KANK4: variants seen among roughly 807,000 people sequenced by gnomAD.
The protein encoded by KANK4 is KN motif and ankyrin repeat domains 4.
In KANK4, 50 loss-of-function variants were observed where a neutral mutation model predicts 80.8. The observed-to-expected ratio is 0.62, with a 90% CI of 0.49 to 0.78. KANK4 has a LOEUF of 0.78. Among genes scored for constraint, KANK4 ranks in the 30% least tolerant of loss-of-function variants. The pLI, the probability that KANK4 is intolerant of heterozygous loss-of-function variation, is 0.00. For missense variants in KANK4, 1,196 were observed against 1,240.1 expected (o/e 0.96, Z 0.53); for synonymous variants, 465 against 506.9 (o/e 0.92, Z 1.11).
chr1:62,242,213 T>G (rs1671358326), intron 9 of KANK4, among the ~76,000 whole-genome samples: 1 of 151,900 alleles, frequency 6.6e-6, no homozygotes, highest in African/African-American at 2.4e-5. Context: ...GAATCTGCAC[T>G]TGGCCAGGTG....
intron 9 of KANK4, among the ~76,000 whole-genome samples, chr1:62,246,227 G>A (rs942543048): frequency 2.0e-5 from 3 of 152,114 alleles, no homozygotes; most frequent in Non-Finnish European, 4.4e-5. Context: ...CATCATTGCC[G>A]TCACCTTACG....
Position 62,274,198 on chromosome 1 carries a change from T to C in KANK4, c.906A>G (p.Glu302=). Residue 302 remains glutamate (E), a synonymous_variant, in exon 3 of 10, where the codon GAA becomes GAG. Coordinates refer to ENST00000371153, the MANE Select transcript of KANK4 (RefSeq NM_181712.5). ...PIPENELLLE[E]IELNISEIPP... ...GAATCTCGCTGATGTTGAGCTCGAT[T>C]TCTTCCAGGAGGAGCTCATTCTCAG... 1 of 1,614,146 alleles carries C rather than the reference T, an allele frequency of 6.2e-7. No homozygotes were observed. Among genetic ancestry groups the C allele is most frequent in the Non-Finnish European group, 8.5e-7 (1 of 1,180,022 alleles).
At position 62,276,277 on chromosome 1, in the gene KANK4, C is replaced by T. The variant is rs187042845; in HGVS notation, c.17-1190G>A. ...TGTTTCTTCAATATTCCTCATGTGA[C>T]GCCCCTAATTACCTCTGTGACATTA... On this transcript the variant is annotated intron_variant, in intron 2 of 9. Coordinates refer to ENST00000371153, the MANE Select transcript of KANK4 (RefSeq NM_181712.5). Among the ~76,000 whole-genome samples, 26 of 152,258 alleles carry T rather than the reference C, an allele frequency of 1.7e-4. No individual in the cohort carries two copies. The East Asian group carries it at 3.3e-3, about 19-fold the overall frequency.
rs201118187 is a variant in KANK4, at chr1:62,274,055, G to A, written c.1049C>T (p.Ser350Leu). 6.4e-4 allele frequency: 1,027 copies of A among 1,614,074 alleles called. 2 individuals are homozygous for A. Among genetic ancestry groups the A allele is most frequent in the Non-Finnish European group, 8.2e-4 (962 of 1,180,050 alleles). Residue 350 changes from serine to leucine, a missense_variant, in exon 3 of 10, where the codon TCG becomes TTG. By Grantham distance (145) the Ser-to-Leu change is moderately radical (BLOSUM62 -2). Coordinates refer to ENST00000371153, the MANE Select transcript of KANK4 (RefSeq NM_181712.5). ...GSISSLKQQV[S>L]ALEGELSGRT... ...TCCAGACAACTCTCCCTCCAGGGCC[G>A]AGACCTGCTGTTTCAGGCTGGAGAT... is the stretch of plus-strand genomic sequence containing the variant.
At chr1:62,248,601 A>G (rs2149119716) in intron 8 of KANK4, among the ~76,000 whole-genome samples, 1 of 150,238 alleles carries the variant, frequency 6.7e-6, no homozygotes, top group South Asian at 2.1e-4. Context: ...GCTGGAGTGC[A>G]ATGGCACGAT....
chr1:62,241,739 T>G (rs1671346777), intron 9 of KANK4, among the ~76,000 whole-genome samples: 1 of 152,178 alleles, frequency 6.6e-6, no homozygotes, highest in African/African-American at 2.4e-5. Context: ...TGTAAAAGCC[T>G]CCTAAAGGAG....
In KANK4 at chr1:62,275,766, A is replaced by G. The variant is rs535361012; in HGVS notation, c.17-679T>C. Reference sequence around the variant, plus strand: ...CTTAACAAACACGAAATTCACTTTCATAAACCCATGCCAAGTAAGGAAATA... The same window carrying G: ...CTTAACAAACACGAAATTCACTTTCGTAAACCCATGCCAAGTAAGGAAATA... On this transcript the variant is annotated intron_variant, in intron 2 of 9. Coordinates refer to ENST00000371153, the MANE Select transcript of KANK4 (RefSeq NM_181712.5). Among the ~76,000 whole-genome samples, 376 of 151,970 alleles carry G rather than the reference A, an allele frequency of 2.5e-3. 3 individuals are homozygous for G. The highest frequency in any genetic ancestry group is 8.8e-3 in the African/African-American group (366 of 41,430).
At chr1:62,258,852 C>T (rs1162753471) in intron 7 of KANK4, among the ~76,000 whole-genome samples, 2 of 152,150 alleles carry the variant, frequency 1.3e-5, no homozygotes, top group South Asian at 4.1e-4. Flanking sequence ...GAGGAGGTGA[C>T]ATTGGGGCTG....
chr1:62,288,900 A>C (rs779308650), intron 1 of KANK4, among the ~76,000 whole-genome samples: 3 of 152,240 alleles, frequency 2.0e-5, no homozygotes, highest in Non-Finnish European at 4.4e-5. Flanking sequence ...TCAAAGAAGA[A>C]ATACAAATGG....
At chr1:62,257,355 T>C (rs1213237149) in intron 7 of KANK4, among the ~76,000 whole-genome samples, 2 of 152,206 alleles carry the variant, frequency 1.3e-5, no homozygotes, top group Admixed American at 6.5e-5. Flanking sequence ...CTCAAAGTGC[T>C]AGGATTACAG....
Position 62,253,156 on chromosome 1 carries a change from T to C in KANK4, c.2593A>G (p.Thr865Ala), listed in dbSNP as rs1671662618. ...NKAGYTAVMI[T>A]PLASAETNED... is the part of the protein sequence containing the mutation. ...TTGGTCTCTGCGGAAGCCAAGGGAG[T>C]GATCATTACGGCAGTGTAGCCAGCT... Residue 865 changes from threonine to alanine, a missense_variant, in exon 8 of 10, where the codon ACT (threonine) becomes GCT (alanine). This residue lies in a region of KANK4 where 1,154 missense variants were observed against 1,179.6 expected (regional missense o/e 0.98). Transcript: ENST00000371153. The C allele has an allele frequency of 7.4e-6, 12 of 1,613,198 alleles. No homozygotes were observed. Among genetic ancestry groups the C allele is most frequent in the Middle Eastern group, 1.7e-4 (1 of 5,864 alleles).
At chr1:62,256,388 CTT>C (rs893915241) in intron 7 of KANK4, among the ~76,000 whole-genome samples, 36 of 145,174 alleles carry the variant, frequency 2.5e-4, no homozygotes, top group Non-Finnish European at 3.0e-4. Context: ...ATTTTCCTTT[CTT>C]TTTTTTTTTT....
At chr1:62,309,716 A>C (rs1455696733) in intron 1 of KANK4, among the ~76,000 whole-genome samples, 4 of 152,168 alleles carry the variant, frequency 2.6e-5, no homozygotes, top group Admixed American at 6.5e-5. Flanking sequence ...TAGGGCAGCG[A>C]TGTGACTTAG....
chr1:62,278,479 G>A lies in KANK4; in HGVS notation c.16+3070C>T, dbSNP rs372338117. ...GCAATCTTGGCTCATTGCAACCTCCGCCTCCCAGGTTCAAGTGATTCTCCT... is the reference window on the plus strand; with the variant it reads ...GCAATCTTGGCTCATTGCAACCTCCACCTCCCAGGTTCAAGTGATTCTCCT... On this transcript the variant is annotated intron_variant, in intron 2 of 9. Coordinates refer to ENST00000371153, the MANE Select transcript of KANK4 (RefSeq NM_181712.5). Among the ~76,000 whole-genome samples, 12 of 150,322 alleles carry A rather than the reference G, an allele frequency of 8.0e-5. No homozygotes were observed. The East Asian group carries it at 2.2e-3, about 27-fold the overall frequency.
chr1:62,247,617 T>A lies in KANK4; in HGVS notation c.2738A>T (p.Gln913Leu). ...ATCTGCCTGGCAGCTAAGCAGCGCT[T>A]GAACCATGTCCTCCCTGTCGTGGCT... is the stretch of plus-strand genomic sequence containing the variant. ...GVSHDREDMV[Q>L]ALLSCQADVN... Residue 913 changes from glutamine to leucine, a missense_variant, in exon 9 of 10, where the codon CAA becomes CTA. By Grantham distance (113) the Gln-to-Leu change is moderately radical. Coordinates refer to ENST00000371153, the MANE Select transcript of KANK4 (RefSeq NM_181712.5). 1 of 1,614,080 alleles carries A rather than the reference T, an allele frequency of 6.2e-7. No individual in the cohort carries two copies. The highest frequency in any genetic ancestry group is 8.5e-7 in the Non-Finnish European group (1 of 1,180,030).
Position 62,253,166 on chromosome 1 carries a change from G to C in KANK4, c.2583C>G (p.Ala861=), listed in dbSNP as rs745763282. The C allele has an allele frequency of 6.2e-7, 1 of 1,613,008 alleles. No homozygotes were observed. ...VDHQNKAGYT[A]VMITPLASAE... ...CGGAAGCCAAGGGAGTGATCATTAC[G>C]GCAGTGTAGCCAGCTTTGTTCTGAT... Residue 861 remains alanine, a synonymous_variant, in exon 8 of 10, where the codon GCC becomes GCG. Transcript: ENST00000371153.
intron 6 of KANK4, among the ~76,000 whole-genome samples, chr1:62,265,450 C>A (rs1671996475): frequency 6.6e-6 from 1 of 152,078 alleles, no homozygotes; most frequent in African/African-American, 2.4e-5. Context: ...CCATATTGCC[C>A]AGGCTGGTCT....
Position 62,266,848 on chromosome 1 carries a change from T to C in KANK4, c.2232-29A>G, listed in dbSNP as rs757002305. ...AATAAAACAAACATATATACACATA[T>C]TTATATAATCATTTTCAAGTTGATA... On this transcript the variant is annotated intron_variant, in intron 5 of 9. Transcript: ENST00000371153. The C allele has an allele frequency of 5.5e-6, 7 of 1,278,464 alleles. No homozygotes were observed. The Admixed American group carries it at 1.1e-4, about 20-fold the overall frequency. The allele number at this position is 1,278,464 out of a possible 1,614,324, so 79.2% of individuals were successfully genotyped here.
intron 1 of KANK4, among the ~76,000 whole-genome samples, chr1:62,296,819 C>A (rs1442614235): frequency 6.6e-6 from 1 of 152,060 alleles, no homozygotes; most frequent in Non-Finnish European, 1.5e-5. Context: ...GGATTATAGG[C>A]GTGAGCCACC....
Sources: gnomAD v4.1 joint callset for allele counts (sites outside exome capture counted in the v4.1 genomes callset) on GRCh38, gnomAD v4.1.1 for gene constraint, gnomAD v4.1.1 regional missense constraint, MANE v1.5 for transcripts, NCBI Gene and HGNC (gene_info 2026-07-23, HGNC 2026-07-21) for gene names.